Variants in LAMA4 observed in about 807,000 individuals in gnomAD.
LAMA4 encodes laminin subunit alpha-4.
In LAMA4, 127 loss-of-function variants were observed where a neutral mutation model predicts 207.1. The observed-to-expected ratio is 0.61, with a 90% CI of 0.53 to 0.71. The LOEUF (loss-of-function observed/expected upper bound fraction) is 0.71, where lower values mean the gene tolerates loss of function less well. Ranked by LOEUF, LAMA4 falls within the 30% of genes least tolerant of loss-of-function variation. The probability of loss-of-function intolerance (pLI) is 0.00; values close to 1 mark genes in which losing one functional copy is unlikely to be tolerated. For missense variants in LAMA4, 2,093 were observed against 2,246.5 expected (o/e 0.93, Z 1.38); for synonymous variants, 761 against 816.0 (o/e 0.93, Z 1.15).
intron 16 of LAMA4, among the ~76,000 whole-genome samples, chr6:112,152,469 T>C (rs1316933182): frequency 2.0e-5 from 3 of 152,136 alleles, no homozygotes; most frequent in Non-Finnish European, 1.5e-5. Context: ...CAGATCATGA[T>C]GTAATTACCT....
At chr6:112,219,249 T>C (rs1784797916) in intron 2 of LAMA4, 1 of 152,190 alleles carries the variant, frequency 6.6e-6, no homozygotes. Context: ...TCCTGGTTAA[T>C]GTAATCGTTA....
At chr6:112,187,225 T>C in intron 8 of LAMA4, 2 of 638,830 alleles carry the variant, frequency 3.1e-6, no homozygotes, top group South Asian at 1.7e-5. Context: ...CCATATAACC[T>C]CTTTTGTAGA....
In LAMA4 at chr6:112,191,625, T is replaced by C; in HGVS notation, c.718+11A>G. 6.2e-7 allele frequency: 1 copy of C among 1,604,060 alleles called. No individual in the cohort carries two copies. The highest frequency in any genetic ancestry group is 8.5e-7 in the Non-Finnish European group (1 of 1,171,056). ...GGCCAGGCAGCTGGCTTAGTATTTA[T>C]GATACTGCACCTGCACAGTTCTTGG... On this transcript the variant is annotated intron_variant, in intron 6 of 38. Coordinates refer to ENST00000230538, the MANE Select transcript of LAMA4 (RefSeq NM_001105206.3).
intron 36 of LAMA4, among the ~76,000 whole-genome samples, chr6:112,115,625 T>C (rs1562623715): frequency 6.6e-6 from 1 of 152,240 alleles, no homozygotes; most frequent in Admixed American, 6.5e-5. Context: ...TGTGTTGTTA[T>C]TAGTGATTTT....
chr6:112,238,559 A>T (rs1160054229), intron 2 of LAMA4, among the ~76,000 whole-genome samples: 1 of 151,856 alleles, frequency 6.6e-6, no homozygotes, highest in Admixed American at 6.6e-5. Flanking sequence ...AAAATACAAA[A>T]ATTAGTCAGG....
intron 2 of LAMA4, among the ~76,000 whole-genome samples, chr6:112,227,142 G>C (rs544708210): frequency 3.9e-5 from 6 of 152,000 alleles, no homozygotes; most frequent in Admixed American, 6.6e-5. Context: ...CATGATCTCA[G>C]CTCACCGCAA....
chr6:112,216,944 C>T lies in LAMA4; in HGVS notation c.196-475G>A, dbSNP rs147365302. The stretch of plus-strand genomic sequence containing the variant: ...CTTAGCTATAGGATAGCAACTGAGT[C>T]TTTCATGAACTTCAGTTCTTAAAAG... On this transcript the variant is annotated intron_variant, in intron 2 of 38. Coordinates refer to ENST00000230538, the MANE Select transcript of LAMA4 (RefSeq NM_001105206.3). Among the ~76,000 whole-genome samples the T allele has an allele frequency of 5.9e-5, 9 of 152,332 alleles. No individual in the cohort carries two copies. The East Asian group carries it at 1.5e-3, about 26-fold the overall frequency.
intron 3 of LAMA4, among the ~76,000 whole-genome samples, chr6:112,215,997 T>C (rs1784604363): frequency 6.6e-6 from 1 of 152,240 alleles, no homozygotes; most frequent in Non-Finnish European, 1.5e-5. Flanking sequence ...TTCATTCTCC[T>C]GGTTTATGTG....
chr6:112,126,573 G>C (rs534688797), intron 31 of LAMA4, among the ~76,000 whole-genome samples: 1 of 152,296 alleles, frequency 6.6e-6, no homozygotes, highest in Non-Finnish European at 1.5e-5. Context: ...CAAAGGAGAA[G>C]TTTCAAGAGG....
At chr6:112,216,958 A>G (rs1187201604) in intron 2 of LAMA4, among the ~76,000 whole-genome samples, 1 of 152,196 alleles carries the variant, frequency 6.6e-6, no homozygotes, top group Non-Finnish European at 1.5e-5. Context: ...CATGAACTTC[A>G]GTTCTTAAAA....
At chr6:112,254,400 A>T (rs979440721) in intron 1 of LAMA4, 59 bp downstream of exon 1, 19 of 536,146 alleles carry the variant, frequency 3.5e-5, no homozygotes, top group Non-Finnish European at 6.2e-5. Flanking sequence ...TCCCTCTTTC[A>T]CTTTTTCTCC....
chr6:112,254,254 C>T lies in LAMA4; in HGVS notation c.-104G>A, dbSNP rs1405937330. ...GTGCCTCGCTTATTTTCCCTCCTCT[C>T]CGTGTGCAGTATCCCGAGGTGGCTG... is the stretch of plus-strand genomic sequence containing the variant. On this transcript the variant is annotated 5_prime_UTR_variant, in exon 2 of 39. Transcript: ENST00000230538. The T allele has an allele frequency of 2.1e-6, 3 of 1,446,268 alleles. No individual in the cohort carries two copies. The highest frequency in any genetic ancestry group is 1.2e-5 in the South Asian group (1 of 83,492). 89.6% of individuals were successfully genotyped at this position (1,446,268 alleles called of 1,614,324 possible). A position where few individuals can be genotyped will look rare whatever the true frequency, so the allele number is the denominator to read the frequency against.
chr6:112,214,143 T>C, intron 3 of LAMA4: 1 of 554,558 alleles, frequency 1.8e-6, no homozygotes, highest in Non-Finnish European at 3.3e-6. Context: ...ACTTAACATA[T>C]TTGCAACTAA....
intron 32 of LAMA4, among the ~76,000 whole-genome samples, chr6:112,121,601 C>T (rs1554326174): frequency 6.6e-6 from 1 of 152,150 alleles, no homozygotes; most frequent in Non-Finnish European, 1.5e-5. Context: ...CATAGACATA[C>T]AAGCATATTT....
chr6:112,147,194 C>T (rs542225274), intron 18 of LAMA4, among the ~76,000 whole-genome samples: 22 of 152,110 alleles, frequency 1.4e-4, no homozygotes, highest in South Asian at 1.2e-3. Flanking sequence ...TACATATTCC[C>T]GAGGCAATAT....
intron 3 of LAMA4, among the ~76,000 whole-genome samples, chr6:112,212,174 A>G (rs1784387309): frequency 6.6e-6 from 1 of 151,876 alleles, no homozygotes; most frequent in Non-Finnish European, 1.5e-5. Flanking sequence ...AGGTTGGGAG[A>G]GAAAGGATGA....
intron 12 of LAMA4, among the ~76,000 whole-genome samples, chr6:112,165,994 T>C (rs2114834379): frequency 6.6e-6 from 1 of 152,250 alleles, no homozygotes; most frequent in South Asian, 2.1e-4. Context: ...AAAGAAACTT[T>C]AGGAGGGAAA....
chr6:112,148,062 C>T (rs1780142731), intron 18 of LAMA4, 95 bp downstream of exon 18: 4 of 1,273,498 alleles, frequency 3.1e-6, no homozygotes, highest in Admixed American at 1.7e-5. Flanking sequence ...GAATCCAAAA[C>T]CCAAATGAAG....
In LAMA4 at chr6:112,245,576, T is replaced by C. The variant is rs187075088; in HGVS notation, c.195+8380A>G. 5.0e-4 allele frequency among the ~76,000 whole-genome samples: 76 copies of C among 152,326 alleles called. 1 individual carries two copies. Among genetic ancestry groups the C allele is most frequent in the African/African-American group, 1.8e-3 (73 of 41,580 alleles). On this transcript the variant is annotated intron_variant, in intron 2 of 38. Transcript: ENST00000230538. The stretch of plus-strand genomic sequence containing the variant: ...GCAATCATGCCACTCCAAAATGGCA[T>C]AATTTCAAAATAAATATTAATATGC...
Sources: gnomAD v4.1 joint callset for allele counts (sites outside exome capture counted in the v4.1 genomes callset) on GRCh38, gnomAD v4.1.1 for gene constraint, MANE v1.5 for transcripts, NCBI Gene and HGNC (gene_info 2026-07-23, HGNC 2026-07-21) for gene names.